The following PPM1H variants were observed in gnomAD, a reference collection of about 807,000 sequenced individuals.
PPM1H encodes the protein protein phosphatase 1H.
PPM1H carries 27 observed loss-of-function variants against 54.9 expected under a neutral mutation model. The ratio of observed to expected loss-of-function variants is 0.49; its 90% confidence interval spans 0.36 to 0.68. PPM1H has a LOEUF of 0.68. Among genes scored for constraint, PPM1H ranks in the 30% least tolerant of loss-of-function variants. PPM1H has a pLI of 0.00. For synonymous variants in PPM1H, 305 were observed against 270.8 expected (o/e 1.13, Z -1.24); for missense variants, 596 against 667.8 (o/e 0.89, Z 1.19).
At chr12:62,825,692 T>G (rs1023756820) in intron 2 of PPM1H, among the ~76,000 whole-genome samples, 1 of 151,980 alleles carries the variant, frequency 6.6e-6, no homozygotes. Flanking sequence ...ATAAGAACAC[T>G]TGGACACAGG....
intron 1 of PPM1H, among the ~76,000 whole-genome samples, chr12:62,877,995 T>A (rs999858210): frequency 2.6e-5 from 4 of 152,168 alleles, no homozygotes; most frequent in Non-Finnish European, 4.4e-5. Context: ...CCTCCAGGGT[T>A]CACACCATTC....
At chr12:62,686,015 T>G (rs10877908) in intron 8 of PPM1H, among the ~76,000 whole-genome samples, 10,434 of 152,268 alleles carry the variant, frequency 0.069, 890 homozygotes, top group East Asian at 0.21. Flanking sequence ...CTAAGAGCAT[T>G]TAAATTTTTG....
intron 4 of PPM1H, among the ~76,000 whole-genome samples, chr12:62,762,746 A>T (rs1182770838): frequency 6.6e-6 from 1 of 152,162 alleles, no homozygotes; most frequent in Non-Finnish European, 1.5e-5. Flanking sequence ...TCTCTTCTTC[A>T]GGTTCTTGAA....
chr12:62,820,823 C>A (rs894964242), intron 2 of PPM1H, among the ~76,000 whole-genome samples: 2 of 152,162 alleles, frequency 1.3e-5, no homozygotes, highest in African/African-American at 2.4e-5. Context: ...GGAACCAGAG[C>A]AGAAAAGCTG....
intron 2 of PPM1H, among the ~76,000 whole-genome samples, chr12:62,811,801 C>T (rs1434377723): frequency 6.6e-6 from 1 of 152,160 alleles, no homozygotes; most frequent in African/African-American, 2.4e-5. Context: ...TTGCTGAGGC[C>T]TCCCCAGCCA....
chr12:62,666,898 G>A (rs929876944), intron 9 of PPM1H, among the ~76,000 whole-genome samples: 49 of 152,226 alleles, frequency 3.2e-4, no homozygotes, highest in African/African-American at 1.1e-3. Flanking sequence ...ATTTTTAGTA[G>A]AGACAGGGTT....
intron 9 of PPM1H, among the ~76,000 whole-genome samples, chr12:62,661,225 C>T (rs1389059066): frequency 2.0e-5 from 3 of 152,176 alleles, no homozygotes; most frequent in Non-Finnish European, 2.9e-5. Flanking sequence ...TAGGTTAATG[C>T]TGCTGTAATC....
chr12:62,660,611 T>C (rs912382771), intron 9 of PPM1H, among the ~76,000 whole-genome samples: 4 of 152,118 alleles, frequency 2.6e-5, no homozygotes, highest in African/African-American at 9.7e-5. Flanking sequence ...CTTCAATAAA[T>C]GGTGCTGGGA....
chr12:62,907,006 CA>C (rs1347819650), intron 1 of PPM1H, among the ~76,000 whole-genome samples: 1 of 152,218 alleles, frequency 6.6e-6, no homozygotes, highest in Non-Finnish European at 1.5e-5. Flanking sequence ...GAAATACTCT[CA>C]AGATTCCACT....
intron 4 of PPM1H, among the ~76,000 whole-genome samples, chr12:62,750,490 T>C (rs1251879713): frequency 6.6e-6 from 1 of 152,260 alleles, no homozygotes; most frequent in Non-Finnish European, 1.5e-5. Flanking sequence ...TTCCATCACA[T>C]GAACACATTT....
chr12:62,650,755 A>C (rs2136593213), intron 9 of PPM1H, among the ~76,000 whole-genome samples: 1 of 152,226 alleles, frequency 6.6e-6, no homozygotes, highest in Non-Finnish European at 1.5e-5. Context: ...CACACTTTTA[A>C]ACCATCAGAT....
intron 1 of PPM1H, among the ~76,000 whole-genome samples, chr12:62,861,502 A>G (rs1869599757): frequency 6.6e-6 from 1 of 152,194 alleles, no homozygotes; most frequent in Admixed American, 6.5e-5. Flanking sequence ...TTCTGGCTCT[A>G]TTGACTTTCT....
intron 3 of PPM1H, among the ~76,000 whole-genome samples, chr12:62,796,147 T>A (rs1192217157): frequency 6.6e-6 from 1 of 152,184 alleles, no homozygotes; most frequent in Admixed American, 6.5e-5. Context: ...ACACAAACTG[T>A]TTTTCCTCTG....
chr12:62,818,333 G>A (rs922381169), intron 2 of PPM1H, among the ~76,000 whole-genome samples: 3 of 152,144 alleles, frequency 2.0e-5, no homozygotes, highest in African/African-American at 7.2e-5. Context: ...GTTTTCACCT[G>A]AGTATGGCAA....
chr12:62,838,827 A>C (rs930858463), intron 1 of PPM1H, among the ~76,000 whole-genome samples: 1 of 121,432 alleles, frequency 8.2e-6, no homozygotes. Context: ...AGGCTGAGGC[A>C]GGAGAATGGC....
intron 2 of PPM1H, among the ~76,000 whole-genome samples, chr12:62,815,395 A>G (rs2076860596): frequency 6.6e-6 from 1 of 152,206 alleles, no homozygotes; most frequent in African/African-American, 2.4e-5. Flanking sequence ...TTAAATGGCA[A>G]TTTAGACCTG....
At chr12:62,732,183 A>G (rs982872905) in intron 5 of PPM1H, among the ~76,000 whole-genome samples, 2 of 152,166 alleles carry the variant, frequency 1.3e-5, no homozygotes, top group Non-Finnish European at 2.9e-5. Flanking sequence ...CACCTGCCAC[A>G]TTCCGTGTGA....
chr12:62,705,401 G>A (rs566536185), intron 6 of PPM1H, among the ~76,000 whole-genome samples: 15 of 152,266 alleles, frequency 9.9e-5, no homozygotes, highest in Admixed American at 2.6e-4. Flanking sequence ...AGTAGGTGCC[G>A]GGCACTGGCA....
intron 6 of PPM1H, among the ~76,000 whole-genome samples, chr12:62,714,478 C>T (rs556111276): frequency 7.3e-4 from 111 of 152,174 alleles, no homozygotes; most frequent in Admixed American, 1.4e-3. Flanking sequence ...CTCTAAGGGA[C>T]AAAATAAAAC....
Sources: gnomAD v4.1 joint callset for allele counts (sites outside exome capture counted in the v4.1 genomes callset) on GRCh38, gnomAD v4.1.1 for gene constraint, MANE v1.5 for transcripts, NCBI Gene and HGNC (gene_info 2026-07-23, HGNC 2026-07-21) for gene names.